Variants in HCN1 observed in about 807,000 individuals in gnomAD.
HCN1 encodes the protein potassium/sodium hyperpolarization-activated cyclic nucleotide-gated channel 1.
Under a neutral mutation model 78.9 loss-of-function variants are expected in HCN1, and 13 were observed. The observed-to-expected ratio is 0.16, with a 90% CI of 0.11 to 0.26. The LOEUF (loss-of-function observed/expected upper bound fraction) is 0.26. Ranked by LOEUF, HCN1 falls within the 10% of genes least tolerant of loss-of-function variation. HCN1 has a pLI of 1.00. For missense variants in HCN1, 810 were observed against 1,154.3 expected (o/e 0.70, Z 4.32); for synonymous variants, 552 against 455.5 (o/e 1.21, Z -2.70).
At chr5:45,366,433 T>C (rs1186146453) in intron 4 of HCN1, among the ~76,000 whole-genome samples, 1 of 151,774 alleles carries the variant, frequency 6.6e-6, no homozygotes, top group African/African-American at 2.4e-5. Flanking sequence ...TGTATATATA[T>C]GAAAATGCGT....
intron 4 of HCN1, among the ~76,000 whole-genome samples, chr5:45,375,459 CAT>C (rs2112017339): frequency 9.7e-6 from 1 of 103,314 alleles, no homozygotes; most frequent in East Asian, 2.7e-4. Context: ...TTTTATGATA[CAT>C]ATGATATATA....
At chr5:45,540,953 C>T (rs1483862042) in intron 2 of HCN1, among the ~76,000 whole-genome samples, 1 of 152,034 alleles carries the variant, frequency 6.6e-6, no homozygotes, top group Non-Finnish European at 1.5e-5. Context: ...TTCTATTTGT[C>T]TTTCTTCTAT....
chr5:45,324,421 T>G (rs1561106671), intron 5 of HCN1, among the ~76,000 whole-genome samples: 1 of 151,860 alleles, frequency 6.6e-6, no homozygotes, highest in Non-Finnish European at 1.5e-5. Context: ...TCACTGGCCA[T>G]CAGAGAAATG....
chr5:45,689,464 A>G (rs1362776513), intron 1 of HCN1, among the ~76,000 whole-genome samples: 1 of 152,162 alleles, frequency 6.6e-6, no homozygotes. Flanking sequence ...TGCTGAACAG[A>G]AAGCCTAGAT....
At chr5:45,369,988 G>A (rs899621804) in intron 4 of HCN1, among the ~76,000 whole-genome samples, 6 of 151,684 alleles carry the variant, frequency 4.0e-5, no homozygotes, top group African/African-American at 2.4e-5. Flanking sequence ...AAGACCTGAT[G>A]TATGACTGGA....
At chr5:45,293,902 C>T (rs1253715602) in intron 6 of HCN1, among the ~76,000 whole-genome samples, 1 of 151,866 alleles carries the variant, frequency 6.6e-6, no homozygotes, top group Non-Finnish European at 1.5e-5. Flanking sequence ...GTCTTACCAG[C>T]ATGGACAAAA....
intron 3 of HCN1, among the ~76,000 whole-genome samples, chr5:45,408,832 CA>C (rs942400117): frequency 2.0e-5 from 3 of 152,066 alleles, no homozygotes; most frequent in African/African-American, 7.2e-5. Context: ...AAAGTGAAAA[CA>C]AAAAACGTTG....
chr5:45,492,077 T>G (rs1270132943), intron 2 of HCN1, among the ~76,000 whole-genome samples: 1 of 152,096 alleles, frequency 6.6e-6, no homozygotes, highest in East Asian at 1.9e-4. Flanking sequence ...TTATCATGCT[T>G]CACAAGCAGC....
At chr5:45,646,698 C>T (rs1448420388) in intron 1 of HCN1, among the ~76,000 whole-genome samples, 5 of 152,088 alleles carry the variant, frequency 3.3e-5, no homozygotes, top group Non-Finnish European at 7.4e-5. Context: ...ATTCACTTGA[C>T]ATAACTATAG....
intron 1 of HCN1, among the ~76,000 whole-genome samples, chr5:45,689,146 T>C (rs191881740): frequency 5.4e-4 from 82 of 150,832 alleles, no homozygotes; most frequent in African/African-American, 1.9e-3. Context: ...GGTATATGAA[T>C]TTTGTCTCAA....
At chr5:45,513,514 G>A (rs2111762175) in intron 2 of HCN1, among the ~76,000 whole-genome samples, 1 of 152,240 alleles carries the variant, frequency 6.6e-6, no homozygotes, top group Middle Eastern at 3.4e-3. Context: ...GACTGGCATT[G>A]GTCCCTGGAC....
chr5:45,655,912 A>C (rs1007259611), intron 1 of HCN1, among the ~76,000 whole-genome samples: 2 of 152,170 alleles, frequency 1.3e-5, no homozygotes, highest in African/African-American at 4.8e-5. Flanking sequence ...CAAGAGTCAA[A>C]TGTAGTACCA....
chr5:45,416,981 G>A (rs1431776522), intron 3 of HCN1, among the ~76,000 whole-genome samples: 1 of 151,950 alleles, frequency 6.6e-6, no homozygotes, highest in Non-Finnish European at 1.5e-5. Flanking sequence ...AATCATTCAT[G>A]TATGGACAAA....
At chr5:45,537,526 T>TTTTG in intron 2 of HCN1, among the ~76,000 whole-genome samples, 1 of 98,526 alleles carries the variant, frequency 1.0e-5, no homozygotes, top group Non-Finnish European at 2.0e-5. Flanking sequence ...TCTAAGTCTT[T>TTTTG]TTTTTTTTTT....
At chr5:45,599,219 C>T (rs1744573660) in intron 2 of HCN1, among the ~76,000 whole-genome samples, 2 of 152,102 alleles carry the variant, frequency 1.3e-5, no homozygotes, top group African/African-American at 4.8e-5. Flanking sequence ...CCATGGAATA[C>T]TATGCAGCCA....
At chr5:45,419,855 T>C (rs1470243260) in intron 3 of HCN1, among the ~76,000 whole-genome samples, 1 of 152,200 alleles carries the variant, frequency 6.6e-6, no homozygotes, top group Admixed American at 6.5e-5. Context: ...ATCTCCTCTT[T>C]AGTCCCCAAC....
At chr5:45,654,467 T>G (rs1745731045) in intron 1 of HCN1, among the ~76,000 whole-genome samples, 1 of 152,164 alleles carries the variant, frequency 6.6e-6, no homozygotes, top group Admixed American at 6.6e-5. Context: ...TTTTATTTCC[T>G]GCTTCTAACT....
chr5:45,337,430 ATCACTTTTCT>A (rs1295662759), intron 5 of HCN1, among the ~76,000 whole-genome samples: 1 of 152,112 alleles, frequency 6.6e-6, no homozygotes, highest in Non-Finnish European at 1.5e-5. Flanking sequence ...TGTTTTGAGC[ATCACTTTTCT>A]TATCCATATA....
intron 4 of HCN1, among the ~76,000 whole-genome samples, chr5:45,372,232 ATATT>A (rs1163256107): frequency 1.3e-5 from 1 of 75,048 alleles, no homozygotes; most frequent in Non-Finnish European, 2.2e-5. Context: ...TATATAATAT[ATATT>A]ATATTTTATA....
Sources: gnomAD v4.1 joint callset for allele counts (sites outside exome capture counted in the v4.1 genomes callset) on GRCh38, gnomAD v4.1.1 for gene constraint, MANE v1.5 for transcripts, NCBI Gene and HGNC (gene_info 2026-07-23, HGNC 2026-07-21) for gene names.